The following CS variants were observed in gnomAD, a reference collection of about 807,000 sequenced individuals.
CS encodes the protein citrate synthase, mitochondrial.
Under a neutral mutation model 61.4 loss-of-function variants are expected in CS, and 13 were observed. The observed-to-expected ratio is 0.21, with a 90% CI of 0.14 to 0.34. CS has a LOEUF of 0.34. Among genes scored for constraint, CS ranks in the 10% least tolerant of loss-of-function variants. The pLI, the probability that CS is intolerant of heterozygous loss-of-function variation, is 1.00. For synonymous variants in CS, 159 were observed against 215.2 expected (o/e 0.74, Z 2.29); for missense variants, 278 against 573.4 (o/e 0.48, Z 5.26).
chr12:56,288,817 T>TA (rs10711668), intron 1 of CS, among the ~76,000 whole-genome samples: 7 of 148,516 alleles, frequency 4.7e-5, no homozygotes, highest in African/African-American at 7.5e-5. Flanking sequence ...CCCAGCTAAT[T>TA]AAAAAAAAAA....
At position 56,274,873 on chromosome 12, in the gene CS, C is replaced by T; in HGVS notation, c.924G>A (p.Val308=). 2 of 1,607,908 alleles carry T rather than the reference C, an allele frequency of 1.2e-6. No individual in the cohort carries two copies. Among genetic ancestry groups the T allele is most frequent in the South Asian group, 1.1e-5 (1 of 89,852 alleles). ...GPLHGLANQE[V]LVWLTQLQKE... is the part of the protein sequence containing the mutation. ...TCTGCAGCTGTGTTAGCCAGACAAG[C>T]ACTTCCTATGGGTAAGGTTTGGGGA... Residue 308 remains valine, a synonymous_variant, in exon 9 of 11, where the codon GTG becomes GTA. Transcript: ENST00000351328.
At chr12:56,285,156 G>C (rs1032392021) in intron 3 of CS, 1 of 270,930 alleles carries the variant, frequency 3.7e-6, no homozygotes, top group Non-Finnish European at 7.9e-6. Context: ...ATGTTGGCCA[G>C]GCTGGTCTCG....
At chr12:56,273,996 G>GT in intron 9 of CS, 200 bp from the exon 10 acceptor site, 3 of 529,178 alleles carry the variant, frequency 5.7e-6, no homozygotes, top group South Asian at 2.2e-5. Context: ...AACACATCTG[G>GT]CTTTTTTTTT....
At chr12:56,274,095 C>T (rs531252003) in intron 9 of CS, 4 of 394,808 alleles carry the variant, frequency 1.0e-5, no homozygotes, top group African/African-American at 6.2e-5. Context: ...GGGCAGATCA[C>T]CTGAGGTTGG....
chr12:56,294,923 G>A (rs549402724), intron 1 of CS, among the ~76,000 whole-genome samples: 5 of 151,916 alleles, frequency 3.3e-5, no homozygotes, highest in South Asian at 4.2e-4. Flanking sequence ...CAGCTGCCAC[G>A]ATTGGCTGAT....
chr12:56,278,106 GT>G (rs1161101524), intron 6 of CS, among the ~76,000 whole-genome samples: 1 of 152,076 alleles, frequency 6.6e-6, no homozygotes, highest in Non-Finnish European at 1.5e-5. Context: ...GCCAAGAAGC[GT>G]TACCTAGCTT....
In CS at chr12:56,273,149, G is replaced by A; in HGVS notation, c.1336C>T (p.Leu446=). 6.2e-7 allele frequency: 1 copy of A among 1,613,798 alleles called. No individual in the cohort carries two copies. Among genetic ancestry groups the A allele is most frequent in the African/African-American group, 1.3e-5 (1 of 75,032 alleles). Residue 446 remains leucine (L), a synonymous_variant, in exon 11 of 11, where the codon CTA becomes TTA. Coordinates refer to ENST00000351328, the MANE Select transcript of CS (RefSeq NM_004077.3). ...LIWSRALGFP[L]ERPKSMSTEG... ...GTGCTCATGGACTTGGGCCTTTCTA[G>A]AGGGAAGCCTAAGGCTCGGCTCCAG...
At chr12:56,276,302 G>T in intron 6 of CS, 107 bp from the exon 7 acceptor site, 1 of 973,916 alleles carries the variant, frequency 1.0e-6, no homozygotes, top group Non-Finnish European at 1.6e-6. Context: ...TTGGGTTGAT[G>T]GTTAGTTATA....
chr12:56,291,972 T>C (rs1326519746), intron 1 of CS, among the ~76,000 whole-genome samples: 1 of 152,126 alleles, frequency 6.6e-6, no homozygotes, highest in East Asian at 1.9e-4. Context: ...CTCTAGTGAG[T>C]CAGCTATTAT....
chr12:56,276,693 C>T (rs999232948), intron 6 of CS, among the ~76,000 whole-genome samples: 2 of 152,144 alleles, frequency 1.3e-5, no homozygotes, highest in African/African-American at 2.4e-5. Flanking sequence ...AGGCATGTGC[C>T]ACCATACCCG....
intron 1 of CS, among the ~76,000 whole-genome samples, chr12:56,292,389 T>TAAA (rs759545743): frequency 1.8e-5 from 2 of 109,228 alleles, no homozygotes; most frequent in Admixed American, 9.6e-5. Flanking sequence ...AGACTTGGTC[T>TAAA]AAAAAAAAAA....
chr12:56,277,097 G>A (rs1023722474), intron 6 of CS, among the ~76,000 whole-genome samples: 1 of 151,524 alleles, frequency 6.6e-6, no homozygotes, highest in Non-Finnish European at 1.5e-5. Context: ...CCAGCTACTC[G>A]GGAGGCTGAG....
At chr12:56,297,104 G>A (rs1057320241) in intron 1 of CS, among the ~76,000 whole-genome samples, 1 of 152,144 alleles carries the variant, frequency 6.6e-6, no homozygotes, top group South Asian at 2.1e-4. Context: ...TCTTTGAATT[G>A]ATTTACTCAG....
At chr12:56,288,864 G>A (rs929089542) in intron 1 of CS, among the ~76,000 whole-genome samples, 22 of 151,416 alleles carry the variant, frequency 1.5e-4, no homozygotes, top group Non-Finnish European at 3.1e-4. Context: ...TTGCTCTGTT[G>A]CCCAGGCTGG....
At chr12:56,284,623 C>T (rs1052634195) in intron 3 of CS, among the ~76,000 whole-genome samples, 9 of 148,302 alleles carry the variant, frequency 6.1e-5, no homozygotes, top group Middle Eastern at 3.5e-3. Context: ...GGGTTTAGGC[C>T]GGGTGCAGTG....
intron 1 of CS, among the ~76,000 whole-genome samples, chr12:56,290,490 G>A (rs924559795): frequency 2.0e-5 from 3 of 152,080 alleles, no homozygotes; most frequent in East Asian, 1.9e-4. Flanking sequence ...GATTACAGGC[G>A]TGAGCCACCG....
At chr12:56,299,163 A>G (rs1222868515) in intron 1 of CS, among the ~76,000 whole-genome samples, 1 of 152,118 alleles carries the variant, frequency 6.6e-6, no homozygotes, top group East Asian at 1.9e-4. Context: ...AGTCAAGGTC[A>G]CTTGTGGGAC....
chr12:56,298,143 C>T (rs1274932018), intron 1 of CS, among the ~76,000 whole-genome samples: 2 of 152,126 alleles, frequency 1.3e-5, no homozygotes, highest in African/African-American at 4.8e-5. Context: ...TGATTACAGG[C>T]ATGTGCCACC....
At chr12:56,289,734 G>A (rs375063672) in intron 1 of CS, among the ~76,000 whole-genome samples, 23 of 152,162 alleles carry the variant, frequency 1.5e-4, no homozygotes, top group African/African-American at 3.1e-4. Flanking sequence ...GAGCCACCGC[G>A]CCCGGCCAGC....
Sources: allele counts gnomAD v4.1 joint callset (sites outside exome capture counted in the v4.1 genomes callset), GRCh38; gene constraint gnomAD v4.1.1; transcripts MANE v1.5; gene names NCBI Gene and HGNC (gene_info 2026-07-23, HGNC 2026-07-21).